Variants in CA8 observed in about 807,000 individuals in gnomAD.
CA8 encodes the protein carbonic anhydrase-related protein.
CA8 carries 22 observed loss-of-function variants against 41.4 expected under a neutral mutation model. The observed-to-expected ratio is 0.53, with a 90% CI of 0.38 to 0.76. The LOEUF (loss-of-function observed/expected upper bound fraction) is 0.76, where lower values mean the gene tolerates loss of function less well. CA8 is among the 30% of genes least tolerant of loss of function. CA8 has a pLI of 0.00. For synonymous variants in CA8, 121 were observed against 130.6 expected, an observed-to-expected ratio of 0.93 and a Z score of 0.50; for missense variants, 270 against 352.8, an observed-to-expected ratio of 0.77 and a Z score of 1.88.
chr8:60,227,819 T>C (rs1807494315), intron 4 of CA8, among the ~76,000 whole-genome samples: 1 of 152,198 alleles, frequency 6.6e-6, no homozygotes, highest in African/African-American at 2.4e-5. Context: ...CATATCACTA[T>C]ATATTATTAG....
In CA8 at chr8:60,187,743, T is replaced by C. The variant is rs1199559440; in HGVS notation, c.*2278A>G. 1.3e-5 allele frequency: 2 copies of C among 152,222 alleles called. No individual in the cohort carries two copies. The highest frequency in any genetic ancestry group is 4.8e-5 in the African/African-American group (2 of 41,466). 9.4% of individuals were successfully genotyped at this position (152,222 alleles called of 1,614,324 possible). On this transcript the variant is annotated 3_prime_UTR_variant, in exon 9 of 9. Transcript: ENST00000317995. The stretch of plus-strand genomic sequence containing the variant: ...TAAGCTACATGAAAAATCATTTCAC[T>C]TTGTTGCCTTATTAAATTGTTTCAT...
intron 2 of CA8, among the ~76,000 whole-genome samples, chr8:60,275,198 G>C (rs1397489611): frequency 1.3e-5 from 2 of 152,154 alleles, no homozygotes; most frequent in African/African-American, 4.8e-5. Context: ...TCTTGATCAT[G>C]GTACTGTGAA....
chr8:60,242,016 T>C (rs1315100270), intron 3 of CA8, among the ~76,000 whole-genome samples: 1 of 152,330 alleles, frequency 6.6e-6, no homozygotes, highest in South Asian at 2.1e-4. Flanking sequence ...TCAACATTTA[T>C]TGAGCACCGA....
chr8:60,248,732 C>T (rs1057269927), intron 3 of CA8, among the ~76,000 whole-genome samples: 1 of 152,128 alleles, frequency 6.6e-6, no homozygotes, highest in African/African-American at 2.4e-5. Flanking sequence ...CTTGGCTATA[C>T]AGGCTCTTTT....
intron 7 of CA8, among the ~76,000 whole-genome samples, chr8:60,217,631 C>T (rs1437220409): frequency 6.6e-6 from 1 of 152,176 alleles, no homozygotes; most frequent in Non-Finnish European, 1.5e-5. Flanking sequence ...GCATCTCAAA[C>T]TCTCAATATG....
intron 3 of CA8, among the ~76,000 whole-genome samples, chr8:60,235,547 T>C (rs1011545086): frequency 6.6e-6 from 1 of 152,220 alleles, no homozygotes; most frequent in African/African-American, 2.4e-5. Context: ...AAGCTTGAAT[T>C]ATTCACATTG....
At chr8:60,234,095 G>A (rs2130500946) in intron 3 of CA8, among the ~76,000 whole-genome samples, 1 of 152,304 alleles carries the variant, frequency 6.6e-6, no homozygotes, top group Middle Eastern at 3.4e-3. Context: ...TAGGGTGTAT[G>A]TATCCCTATA....
intron 2 of CA8, among the ~76,000 whole-genome samples, chr8:60,277,151 C>T (rs1436013286): frequency 6.9e-6 from 1 of 145,766 alleles, no homozygotes; most frequent in African/African-American, 2.5e-5. Flanking sequence ...AGAAAATTGG[C>T]CTCGTCTTCA....
chr8:60,232,278 G>C lies in CA8; in HGVS notation c.513+6C>G, dbSNP rs374622415. On this transcript the variant is annotated splice_donor_region_variant and intron_variant, in intron 4 of 8. Coordinates refer to ENST00000317995, the MANE Select transcript of CA8 (RefSeq NM_004056.6). ...AACAATACGATAATCACAGCAGACC[G>C]TTTACCTGAACAAACAGAGCAATGA... 101 of 1,602,278 alleles carry C rather than the reference G, an allele frequency of 6.3e-5. No individual in the cohort carries two copies. Among genetic ancestry groups the C allele is most frequent in the Non-Finnish European group, 8.3e-5 (97 of 1,169,380 alleles).
At chr8:60,245,410 A>G (rs1322321373) in intron 3 of CA8, among the ~76,000 whole-genome samples, 3 of 152,216 alleles carry the variant, frequency 2.0e-5, no homozygotes, top group South Asian at 2.1e-4. Flanking sequence ...CCTTATTTAT[A>G]TAAGTTTTGT....
At chr8:60,208,729 C>T (rs1260444256) in intron 8 of CA8, 21 bp downstream of exon 8, 5 of 1,608,350 alleles carry the variant, frequency 3.1e-6, no homozygotes, top group Middle Eastern at 1.6e-4. Flanking sequence ...ACCTCATTTT[C>T]CTTACTTAAT....
At chr8:60,200,149 A>C (rs1806381867) in intron 8 of CA8, among the ~76,000 whole-genome samples, 2 of 152,256 alleles carry the variant, frequency 1.3e-5, no homozygotes, top group Non-Finnish European at 2.9e-5. Flanking sequence ...ATGTGAGGAC[A>C]CAGTGAGAAG....
intron 8 of CA8, among the ~76,000 whole-genome samples, chr8:60,203,484 A>G (rs1299240794): frequency 6.6e-6 from 1 of 152,126 alleles, no homozygotes; most frequent in East Asian, 1.9e-4. Context: ...CAAGTCTCTC[A>G]GTTTTTCCAA....
chr8:60,236,485 CA>C (rs1223136169), intron 3 of CA8, among the ~76,000 whole-genome samples: 1 of 151,336 alleles, frequency 6.6e-6, no homozygotes, highest in Non-Finnish European at 1.5e-5. Context: ...ATCATGCAAA[CA>C]AACAAAAAAA....
intron 8 of CA8, among the ~76,000 whole-genome samples, chr8:60,205,754 T>A (rs1333369855): frequency 6.6e-6 from 1 of 152,206 alleles, no homozygotes; most frequent in Non-Finnish European, 1.5e-5. Flanking sequence ...TGCCCAGACA[T>A]GTCATTTTTT....
At chr8:60,244,879 T>C (rs917942216) in intron 3 of CA8, among the ~76,000 whole-genome samples, 2 of 152,182 alleles carry the variant, frequency 1.3e-5, no homozygotes, top group African/African-American at 2.4e-5. Flanking sequence ...ACCTGTTTAT[T>C]AGAAATAGGG....
At position 60,185,783 on chromosome 8, in the gene CA8, T is replaced by C. The variant is rs898201965; in HGVS notation, c.*4238A>G. 6.6e-6 allele frequency among the ~76,000 whole-genome samples: 1 copy of C among 151,436 alleles called. No homozygotes were observed. The highest frequency in any genetic ancestry group is 1.5e-5 in the Non-Finnish European group (1 of 67,864). On this transcript the variant is annotated 3_prime_UTR_variant, in exon 9 of 9. Transcript: ENST00000317995. ...TTGTCCCTATCAGATTTGCCTTATA[T>C]AAAAATATATTAAAAAAAGGACTTC...
At position 60,186,121 on chromosome 8, in the gene CA8, A is replaced by G. The variant is rs952861909; in HGVS notation, c.*3900T>C. On this transcript the variant is annotated 3_prime_UTR_variant, in exon 9 of 9. Coordinates refer to ENST00000317995, the MANE Select transcript of CA8 (RefSeq NM_004056.6). ...ACCAGAAATGGTAAATTAAAAGCTT[A>G]CTAGAAGAAACTCTATAAATATAAT... Among the ~76,000 whole-genome samples, 3 of 152,116 alleles carry G rather than the reference A, an allele frequency of 2.0e-5. No homozygotes were observed. Among genetic ancestry groups the G allele is most frequent in the Non-Finnish European group, 4.4e-5 (3 of 67,958 alleles).
intron 4 of CA8, 110 bp downstream of exon 4, chr8:60,232,174 A>C (rs753112481): frequency 2.5e-6 from 2 of 785,626 alleles, no homozygotes; most frequent in Non-Finnish European, 4.5e-6. Flanking sequence ...TGTTCTCTCT[A>C]TGTGTGTAAT....
Sources: gnomAD v4.1 joint callset for allele counts (sites outside exome capture counted in the v4.1 genomes callset) on GRCh38, gnomAD v4.1.1 for gene constraint, MANE v1.5 for transcripts, NCBI Gene and HGNC (gene_info 2026-07-23, HGNC 2026-07-21) for gene names.